The following DOCK8 variants were observed in gnomAD, a reference collection of about 807,000 sequenced individuals.
The protein encoded by DOCK8 is dedicator of cytokinesis 8, also known as dedicator of cytokinesis protein 8.
Under a neutral mutation model 245.6 loss-of-function variants are expected in DOCK8, and 141 were observed. The observed-to-expected ratio is 0.57, with a 90% CI of 0.50 to 0.66. The LOEUF is 0.66. DOCK8 is among the 30% of genes least tolerant of loss of function. The pLI is 0.00. For missense variants in DOCK8, 2,965 were observed against 2,603.4 expected, an observed-to-expected ratio of 1.14 and a Z score of -3.02; for synonymous variants, 1,168 against 970.2, an observed-to-expected ratio of 1.20 and a Z score of -3.79.
At chr9:261,997 G>GAA (rs1554648149) in intron 1 of DOCK8, among the ~76,000 whole-genome samples, 1 of 146,852 alleles carries the variant, frequency 6.8e-6, no homozygotes, top group African/African-American at 2.5e-5. Flanking sequence ...AAGAAAGAAG[G>GAA]AGAAAGAAAG....
chr9:453,020 T>C (rs1338066341), intron 46 of DOCK8: 1 of 152,226 alleles, frequency 6.6e-6, no homozygotes, highest in Non-Finnish European at 1.5e-5. Flanking sequence ...GAGAAGAATA[T>C]TAAGTATAAG....
chr9:215,502 G>A, intron 1 of DOCK8: 8 of 1,429,474 alleles, frequency 5.6e-6, no homozygotes, highest in Non-Finnish European at 7.4e-6. Flanking sequence ...GTCGTCCTGA[G>A]CAAGGCTCCG....
intron 1 of DOCK8, among the ~76,000 whole-genome samples, chr9:268,849 TTG>T (rs1012230418): frequency 5.3e-5 from 8 of 152,220 alleles, no homozygotes; most frequent in Non-Finnish European, 1.2e-4. Context: ...ACAAGACACA[TTG>T]TTGCTCATGC....
Position 345,701 on chromosome 9 carries a change from G to T in DOCK8, c.1679+5380G>T, listed in dbSNP as rs566853070. Among the ~76,000 whole-genome samples, 4 of 152,294 alleles carry T rather than the reference G, an allele frequency of 2.6e-5. 1 individual carries two copies. The highest frequency in any genetic ancestry group is 9.6e-5 in the African/African-American group (4 of 41,566). On this transcript the variant is annotated intron_variant, in intron 14 of 47. Transcript: ENST00000432829. The stretch of plus-strand genomic sequence containing the variant: ...CTCACCTTCCTCCCACCTCTTCACT[G>T]CCTCTTTTCTTTGCCCTGCCCCTTC...
chr9:297,596 T>C (rs939630783), intron 4 of DOCK8, among the ~76,000 whole-genome samples: 1 of 152,114 alleles, frequency 6.6e-6, no homozygotes, highest in African/African-American at 2.4e-5. Flanking sequence ...GGTGGGGTAA[T>C]GAAGCTGGGA....
At chr9:334,956 G>A (rs1269332230) in intron 11 of DOCK8, among the ~76,000 whole-genome samples, 2 of 151,988 alleles carry the variant, frequency 1.3e-5, no homozygotes, top group East Asian at 1.9e-4. Flanking sequence ...GGTGGTACAC[G>A]TCTGTAATCT....
At chr9:433,659 G>A (rs1197257384) in intron 37 of DOCK8, among the ~76,000 whole-genome samples, 5 of 152,168 alleles carry the variant, frequency 3.3e-5, no homozygotes, top group African/African-American at 4.8e-5. Flanking sequence ...GCAGATTTCT[G>A]GATCTCAAGG....
At chr9:341,165 G>A (rs1217743974) in intron 14 of DOCK8, among the ~76,000 whole-genome samples, 1 of 152,170 alleles carries the variant, frequency 6.6e-6, no homozygotes, top group African/African-American at 2.4e-5. Flanking sequence ...GTGCAATGGA[G>A]GAACTGAAAA....
intron 26 of DOCK8, among the ~76,000 whole-genome samples, chr9:403,547 A>G (rs139221906): frequency 1.8e-3 from 277 of 152,286 alleles, no homozygotes; most frequent in African/African-American, 6.2e-3. Flanking sequence ...CCCACAACAC[A>G]TTGGCTTCTT....
At chr9:416,560 G>A (rs1301020654) in intron 29 of DOCK8, among the ~76,000 whole-genome samples, 1 of 152,144 alleles carries the variant, frequency 6.6e-6, no homozygotes, top group African/African-American at 2.4e-5. Flanking sequence ...ACAGTGAAAA[G>A]TATTTTATTG....
At chr9:444,035 A>G (rs1032530546) in intron 43 of DOCK8, among the ~76,000 whole-genome samples, 1 of 152,110 alleles carries the variant, frequency 6.6e-6, no homozygotes, top group Non-Finnish European at 1.5e-5. Context: ...TATTCCTTCC[A>G]TCCAAGTCCG....
intron 46 of DOCK8, chr9:459,735 T>G (rs1375861244): frequency 6.6e-6 from 1 of 152,362 alleles, no homozygotes; most frequent in Non-Finnish European, 1.5e-5. Context: ...TCCTCACTCA[T>G]GTCTGGTGTC....
intron 5 of DOCK8, among the ~76,000 whole-genome samples, chr9:307,110 C>G (rs896548305): frequency 2.0e-5 from 3 of 152,060 alleles, no homozygotes; most frequent in African/African-American, 7.2e-5. Flanking sequence ...CTTTGACCTC[C>G]TTGAACCATC....
chr9:327,765 TACTC>T (rs1271225132), intron 8 of DOCK8, among the ~76,000 whole-genome samples: 1 of 152,178 alleles, frequency 6.6e-6, no homozygotes, highest in Admixed American at 6.5e-5. Flanking sequence ...AAGTAACTGA[TACTC>T]AGGAAATACC....
chr9:295,467 T>G (rs1036869594), intron 4 of DOCK8, among the ~76,000 whole-genome samples: 4 of 152,198 alleles, frequency 2.6e-5, no homozygotes, highest in Non-Finnish European at 5.9e-5. Context: ...TCAATAAGTA[T>G]TAGCTATTAT....
intron 2 of DOCK8, among the ~76,000 whole-genome samples, chr9:281,925 G>C (rs2048605237): frequency 6.6e-6 from 1 of 152,150 alleles, no homozygotes; most frequent in Admixed American, 6.5e-5. Flanking sequence ...ATGTCAGCTT[G>C]GGTGTAGTGC....
chr9:305,822 A>G (rs958418344), intron 5 of DOCK8, among the ~76,000 whole-genome samples: 2 of 152,222 alleles, frequency 1.3e-5, no homozygotes, highest in South Asian at 2.1e-4. Flanking sequence ...GTTAAGCTCT[A>G]TACACCTATG....
At chr9:376,116 C>A in intron 18 of DOCK8, 94 bp from the exon 19 acceptor site, 1 of 892,520 alleles carries the variant, frequency 1.1e-6, no homozygotes, top group Non-Finnish European at 1.9e-6. Context: ...ATTTGTATAA[C>A]CCTGACATTT....
At chr9:329,496 G>C (rs1189200164) in intron 9 of DOCK8, among the ~76,000 whole-genome samples, 1 of 152,164 alleles carries the variant, frequency 6.6e-6, no homozygotes, top group African/African-American at 2.4e-5. Context: ...GGTTACTGTA[G>C]CTTGAGGGGA....
Sources: gnomAD v4.1 joint callset for allele counts (sites outside exome capture counted in the v4.1 genomes callset) on GRCh38, gnomAD v4.1.1 for gene constraint, MANE v1.5 for transcripts, NCBI Gene and HGNC (gene_info 2026-07-23, HGNC 2026-07-21) for gene names.